Variants in NVL observed in about 807,000 individuals in gnomAD.
NVL encodes the protein nuclear VCP like.
Under a neutral mutation model 110.2 loss-of-function variants are expected in NVL, and 84 were observed. That is an observed-to-expected ratio of 0.76 (90% CI 0.64 to 0.91). The LOEUF (loss-of-function observed/expected upper bound fraction) is 0.91, where lower values mean the gene tolerates loss of function less well. NVL is among the 40% of genes least tolerant of loss of function. The probability of loss-of-function intolerance (pLI) is 0.00; values close to 1 mark genes in which losing one functional copy is unlikely to be tolerated. For synonymous variants in NVL, 354 were observed against 361.1 expected, an observed-to-expected ratio of 0.98 and a Z score of 0.22; for missense variants, 882 against 1,035.9, an observed-to-expected ratio of 0.85 and a Z score of 2.04.
In NVL at chr1:224,294,250, A is replaced by G; in HGVS notation, c.1325+17T>C. 1 of 1,613,326 alleles carries G rather than the reference A, an allele frequency of 6.2e-7. No homozygotes were observed. The highest frequency in any genetic ancestry group is 1.3e-5 in the African/African-American group (1 of 75,048). Reference sequence around the variant, plus strand: ...GATGACTTAGTGGCATACAAACTTCATTCTATAAGAATATACCTTTCCCTG... The same window carrying G: ...GATGACTTAGTGGCATACAAACTTCGTTCTATAAGAATATACCTTTCCCTG... On this transcript the variant is annotated intron_variant, in intron 12 of 22. Coordinates refer to ENST00000281701, the MANE Select transcript of NVL (RefSeq NM_002533.4).
chr1:224,232,912 T>A (rs1338743006), intron 21 of NVL: 1 of 263,510 alleles, frequency 3.8e-6, no homozygotes, highest in Non-Finnish European at 7.1e-6. Context: ...AAAGAATACG[T>A]TTTTCCAGAA....
intron 19 of NVL, among the ~76,000 whole-genome samples, chr1:224,248,529 A>G (rs767786285): frequency 3.4e-4 from 52 of 152,334 alleles, no homozygotes; most frequent in Non-Finnish European, 2.2e-4. Flanking sequence ...AGTTTTAAGT[A>G]ACGATGGCCC....
chr1:224,280,369 G>A (rs1222362247), intron 16 of NVL, among the ~76,000 whole-genome samples: 6 of 151,936 alleles, frequency 3.9e-5, no homozygotes, highest in Admixed American at 3.3e-4. Flanking sequence ...ACTTTAGCTT[G>A]GTATAAAGGC....
intron 20 of NVL, 77 bp from the exon 21 acceptor site, chr1:224,233,366 A>G: frequency 1.0e-6 from 1 of 1,004,354 alleles, no homozygotes; most frequent in Non-Finnish European, 1.4e-6. Flanking sequence ...AACAGTTTTC[A>G]TATAAGTCAT....
intron 2 of NVL, among the ~76,000 whole-genome samples, chr1:224,324,516 A>G (rs577351200): frequency 1.9e-4 from 29 of 152,096 alleles, no homozygotes; most frequent in South Asian, 1.5e-3. Context: ...GCAACCTTGA[A>G]CTCCTGGGCT....
chr1:224,232,367 T>A (rs1472103615), intron 21 of NVL, among the ~76,000 whole-genome samples: 1 of 151,374 alleles, frequency 6.6e-6, no homozygotes, highest in Non-Finnish European at 1.5e-5. Flanking sequence ...AATAAATAAA[T>A]AAAAATAAAA....
chr1:224,229,206 G>A (rs1177521923), intron 22 of NVL, among the ~76,000 whole-genome samples: 5 of 151,724 alleles, frequency 3.3e-5, no homozygotes, highest in Non-Finnish European at 2.9e-5. Flanking sequence ...TGAAGCAGGA[G>A]AATAGCTTGA....
rs186159203 is a variant in NVL, at chr1:224,271,684, C to G, written c.2083-3551G>C. 3.9e-5 allele frequency among the ~76,000 whole-genome samples: 6 copies of G among 152,010 alleles called. No homozygotes were observed. In the East Asian group the frequency reaches 9.6e-4, roughly 24 times the overall value. ...ACTTGTGTTTTATTTGAATTTTTCA[C>G]AAATGTGTATTCATGTATAACTAGT... On this transcript the variant is annotated intron_variant, in intron 17 of 22. Transcript: ENST00000281701.
At chr1:224,270,092 A>G (rs1053781629) in intron 17 of NVL, among the ~76,000 whole-genome samples, 4 of 151,868 alleles carry the variant, frequency 2.6e-5, no homozygotes, top group African/African-American at 9.7e-5. Context: ...TTCTCTAGAA[A>G]AAAAAAAATT....
At position 224,305,026 on chromosome 1, in the gene NVL, C is replaced by T. The variant is rs368933797; in HGVS notation, c.748+8G>A. 1 of 1,612,434 alleles carries T rather than the reference C, an allele frequency of 6.2e-7. No homozygotes were observed. Among genetic ancestry groups the T allele is most frequent in the Non-Finnish European group, 8.5e-7 (1 of 1,179,398 alleles). On this transcript the variant is annotated splice_region_variant and intron_variant, in intron 7 of 22. Coordinates refer to ENST00000281701, the MANE Select transcript of NVL (RefSeq NM_002533.4). ...TGACCACTGCCACCAACAAGACTCA[C>T]ACCTTACCTTTCTTTTGCAGGACAG...
At chr1:224,245,869 G>A (rs1015085188) in intron 19 of NVL, among the ~76,000 whole-genome samples, 2 of 151,732 alleles carry the variant, frequency 1.3e-5, no homozygotes, top group Non-Finnish European at 2.9e-5. Context: ...CGTCCACCTT[G>A]GCCTCCCAAA....
intron 19 of NVL, among the ~76,000 whole-genome samples, chr1:224,247,993 G>A (rs1662049067): frequency 6.6e-6 from 1 of 152,150 alleles, no homozygotes; most frequent in South Asian, 2.1e-4. Context: ...TGTTTTCATG[G>A]CTTTGACCAC....
chr1:224,281,692 C>G (rs1453226275), intron 15 of NVL, among the ~76,000 whole-genome samples: 1 of 151,386 alleles, frequency 6.6e-6, no homozygotes, highest in Non-Finnish European at 1.5e-5. Context: ...CGGTGACTCG[C>G]CTGTAATCCT....
At chr1:224,317,994 A>C in intron 2 of NVL, 64 bp from the exon 3 acceptor site, 1 of 1,059,228 alleles carries the variant, frequency 9.4e-7, no homozygotes, top group Non-Finnish European at 1.4e-6. Flanking sequence ...ATTAAGTTCA[A>C]TCTAAATGGA....
intron 19 of NVL, among the ~76,000 whole-genome samples, chr1:224,246,553 A>G (rs1035217989): frequency 1.1e-4 from 17 of 152,204 alleles, no homozygotes; most frequent in African/African-American, 4.1e-4. Context: ...ATAAATACCA[A>G]TCCAACTTTT....
intron 18 of NVL, among the ~76,000 whole-genome samples, chr1:224,254,345 C>T (rs1662899830): frequency 6.7e-6 from 1 of 149,646 alleles, no homozygotes; most frequent in East Asian, 2.0e-4. Context: ...CCTGCCTTGG[C>T]CTCCCAAAGT....
chr1:224,268,747 C>G (rs1159090228), intron 17 of NVL, among the ~76,000 whole-genome samples: 2 of 152,194 alleles, frequency 1.3e-5, no homozygotes, highest in Non-Finnish European at 2.9e-5. Flanking sequence ...CAACCTCCAT[C>G]TCCCAGGTTC....
rs138081346 is a variant in NVL, at chr1:224,271,968, T to G, written c.2082+3371A>C. Among the ~76,000 whole-genome samples the G allele has an allele frequency of 2.1e-5, 3 of 143,468 alleles. No individual in the cohort carries two copies. The East Asian group carries it at 6.4e-4, about 31-fold the overall frequency. 94.1% of individuals were successfully genotyped at this position (143,468 alleles called of 152,430 possible). A position where few individuals can be genotyped will look rare whatever the true frequency, so the allele number is the denominator to read the frequency against. On this transcript the variant is annotated intron_variant, in intron 17 of 22. Coordinates refer to ENST00000281701, the MANE Select transcript of NVL (RefSeq NM_002533.4). The stretch of plus-strand genomic sequence containing the variant: ...GGCAGAGGTTGCAGTGAGCCGAGAT[T>G]GCGCCACTGCACTCCAGCCTGGGCA...
rs143731277 is a variant in NVL at position 224,250,290 on chromosome 1, C to T, written c.2211G>A (p.Pro737=). 129 of 1,598,938 alleles carry T rather than the reference C, an allele frequency of 8.1e-5. No individual in the cohort carries two copies. The South Asian group carries it at 9.7e-4, about 12-fold the overall frequency. Residue 737 remains proline (P), a synonymous_variant, in exon 19 of 23, where the codon CCG becomes CCA. Coordinates refer to ENST00000281701, the MANE Select transcript of NVL (RefSeq NM_002533.4). The part of the protein sequence containing the change: ...PDIIDPAILR[P]GRLDKTLFVG... ...CAAACAGTGTTTTGTCCAGGCGGCC[C>T]GGGCGCAGGATTGCAGGGTCAATTA...
Sources: gnomAD v4.1 joint callset for allele counts (sites outside exome capture counted in the v4.1 genomes callset) on GRCh38, gnomAD v4.1.1 for gene constraint, MANE v1.5 for transcripts, NCBI Gene and HGNC (gene_info 2026-07-23, HGNC 2026-07-21) for gene names.